The following CYP24A1 variants were observed in gnomAD, a reference collection of about 807,000 sequenced individuals.
The protein encoded by CYP24A1 is cytochrome P450 family 24 subfamily A member 1.
In CYP24A1, 68 loss-of-function variants were observed where a neutral mutation model predicts 62.4. The ratio of observed to expected loss-of-function variants is 1.09; its 90% CI spans 0.90 to 1.33. The LOEUF (loss-of-function observed/expected upper bound fraction) is 1.33. CYP24A1 is among the 40% of genes most tolerant of loss of function. The pLI is 0.00. For missense variants in CYP24A1, 787 were observed against 653.0 expected, an observed-to-expected ratio of 1.21 and a Z score of -2.24; for synonymous variants, 267 against 253.0, an observed-to-expected ratio of 1.06 and a Z score of -0.52.
At chr20:54,149,328 C>G (rs1601115176), downstream of CYP24A1, among the ~76,000 whole-genome samples, 1 of 152,186 alleles carries the variant, frequency 6.6e-6, no homozygotes, top group Non-Finnish European at 1.5e-5. Context: ...GTAACACACG[C>G]TGCTCAGTGC....
Position 54,173,215 on chromosome 20 carries a change from G to A in CYP24A1, c.258+107C>T, listed in dbSNP as rs1601151395. Reference sequence around the variant, plus strand: ...GACCGGGGACCCTCCCTGCCCAGACGCCGAAGCGCACCATGCGCCCGAGGC... The same window carrying A: ...GACCGGGGACCCTCCCTGCCCAGACACCGAAGCGCACCATGCGCCCGAGGC... On this transcript the variant is annotated intron_variant, in intron 1 of 11. Transcript: ENST00000216862. The surrounding 1 kb of genome is among the most constrained non-coding windows in gnomAD (Gnocchi z 7.2). The A allele has an allele frequency of 1.3e-6, 2 of 1,514,864 alleles. No homozygotes were observed. The highest frequency in any genetic ancestry group is 1.8e-5 in the Admixed American group (1 of 56,620). The allele number at this position is 1,514,864 out of a possible 1,614,324, so 93.8% of individuals were successfully genotyped here. A position where few individuals can be genotyped will look rare whatever the true frequency, so the allele number is the denominator to read the frequency against.
intron 5 of CYP24A1, among the ~76,000 whole-genome samples, 198 bp from the exon 6 acceptor site, chr20:54,164,761 A>G (rs2092665169): frequency 6.6e-6 from 1 of 151,796 alleles, no homozygotes; most frequent in African/African-American, 2.4e-5. Context: ...TCAATATTGA[A>G]GGTAATGTGG....
the CYP24A1 span, among the ~76,000 whole-genome samples, chr20:54,148,283 C>A: frequency 2.6e-4 from 39 of 151,532 alleles, no homozygotes; most frequent in Non-Finnish European, 5.0e-4. Flanking sequence ...TCCCATATAC[C>A]ATTCACCCAG....
intron 4 of CYP24A1, among the ~76,000 whole-genome samples, chr20:54,167,036 G>GA (rs989004988): frequency 1.3e-4 from 19 of 149,452 alleles, no homozygotes; most frequent in African/African-American, 1.2e-4. Context: ...ACACAGTCTG[G>GA]AAAAAAAAAA....
At chr20:54,146,331 T>C in the CYP24A1 span, among the ~76,000 whole-genome samples, 1 of 152,192 alleles carries the variant, frequency 6.6e-6, no homozygotes, top group African/African-American at 2.4e-5. Flanking sequence ...ATGATCTTCT[T>C]TCCTGGCATG....
At chr20:54,151,876 C>T (rs1209237414), downstream of CYP24A1, among the ~76,000 whole-genome samples, 2 of 143,796 alleles carry the variant, frequency 1.4e-5, no homozygotes, top group Non-Finnish European at 3.0e-5. Flanking sequence ...CCTCAGTTTC[C>T]CCAGGTGTGA....
In CYP24A1 at chr20:54,154,407, AG is replaced by A. The variant is rs1227407230; in HGVS notation, c.*364del. On this transcript the variant is annotated 3_prime_UTR_variant, in exon 12 of 12. Transcript: ENST00000216862. Reference sequence around the variant, plus strand: ...GGACATTTTCCTAAGTAGTACATTAAGCAGAGCTACAGTAAATGGATTGTCA... The same window carrying A: ...GGACATTTTCCTAAGTAGTACATTAACAGAGCTACAGTAAATGGATTGTCA... 11 of 152,246 alleles carry A rather than the reference AG, an allele frequency of 7.2e-5. No individual in the cohort carries two copies. The highest frequency in any genetic ancestry group is 2.4e-4 in the African/African-American group (10 of 41,460). The allele number at this position is 152,246 out of a possible 1,614,324, so 9.4% of individuals were successfully genotyped here. A position where few individuals can be genotyped will look rare whatever the true frequency, so the allele number is the denominator to read the frequency against.
intron 6 of CYP24A1, among the ~76,000 whole-genome samples, chr20:54,163,131 G>T (rs1344139749): frequency 6.6e-6 from 1 of 152,164 alleles, no homozygotes; most frequent in Non-Finnish European, 1.5e-5. Context: ...CTGAATCAGG[G>T]CTTGGGTAGG....
Position 54,173,451 on chromosome 20 carries a change from G to T in CYP24A1, c.129C>A (p.Val43=), listed in dbSNP as rs1299808834. The change falls in exon 1 of 12, where the codon GTC becomes GTA. Residue 43 remains valine, a synonymous_variant. Coordinates refer to ENST00000216862, the MANE Select transcript of CYP24A1 (RefSeq NM_000782.5). The surrounding 1 kb of genome is among the most constrained non-coding windows in gnomAD (Gnocchi z 7.2). ...TCTCGCCACCAGCTGTCAGCGGGCA[G>T]ACTGGCACCTCTCGCGGCTGAGGGG... The part of the protein sequence containing the change: ...YTSPQPREVP[V]CPLTAGGETQ... 3 of 1,568,464 alleles carry T rather than the reference G, an allele frequency of 1.9e-6. No individual in the cohort carries two copies. Among genetic ancestry groups the T allele is most frequent in the Non-Finnish European group, 2.6e-6 (3 of 1,156,510 alleles).
At chr20:54,157,695 T>C in intron 9 of CYP24A1, 110 bp from the exon 10 acceptor site, 1 of 789,166 alleles carries the variant, frequency 1.3e-6, no homozygotes. Flanking sequence ...TCCACAAATT[T>C]ATAATAATGA....
At chr20:54,147,378 G>A in the CYP24A1 span, among the ~76,000 whole-genome samples, 1 of 152,206 alleles carries the variant, frequency 6.6e-6, no homozygotes, top group Non-Finnish European at 1.5e-5. Flanking sequence ...TCTAGAACGT[G>A]CAAAATAGAC....
downstream of CYP24A1, among the ~76,000 whole-genome samples, chr20:54,152,074 C>T (rs1037151876): frequency 5.3e-5 from 8 of 152,160 alleles, no homozygotes; most frequent in East Asian, 1.9e-4. Context: ...GGGCAGCAGA[C>T]GTGGCCCTTG....
chr20:54,161,424 ACTGT>A (rs1196791161), intron 7 of CYP24A1, among the ~76,000 whole-genome samples: 1 of 152,026 alleles, frequency 6.6e-6, no homozygotes, highest in Non-Finnish European at 1.5e-5. Flanking sequence ...TTACATGGCT[ACTGT>A]CTGTCTTCCC....
At chr20:54,166,188 T>C (rs560292929) in intron 4 of CYP24A1, among the ~76,000 whole-genome samples, 17 of 152,266 alleles carry the variant, frequency 1.1e-4, no homozygotes, top group African/African-American at 4.1e-4. Context: ...GAGTCACTTA[T>C]TGGATTCTAT....
In CYP24A1 at chr20:54,171,579, C is replaced by T. The variant is rs2092693875; in HGVS notation, c.541G>A (p.Glu181Lys). 3.7e-6 allele frequency: 6 copies of T among 1,613,822 alleles called. No individual in the cohort carries two copies. Among genetic ancestry groups the T allele is most frequent in the Non-Finnish European group, 5.1e-6 (6 of 1,179,874 alleles). The part of the protein sequence containing the change: ...EVMKLDNKIN[E>K]VLADFMGRID... Reference sequence around the variant, plus strand: ...AAAGCTGGCCCCAGCCTGCAGACCTCATTGATTTTGTTGTCCAGCTTCATC... The same window carrying T: ...AAAGCTGGCCCCAGCCTGCAGACCTTATTGATTTTGTTGTCCAGCTTCATC... Residue 181 changes from glutamate (E) to lysine (K), a missense_variant and splice_region_variant, in exon 3 of 12, where the codon GAG becomes AAG. Coordinates refer to ENST00000216862, the MANE Select transcript of CYP24A1 (RefSeq NM_000782.5).
At position 54,158,978 on chromosome 20, in the gene CYP24A1, G is replaced by A. The variant is rs1431348800; in HGVS notation, c.1136C>T (p.Ala379Val). 2.5e-6 allele frequency: 4 copies of A among 1,614,022 alleles called. No individual in the cohort carries two copies. In the African/African-American group the frequency reaches 5.3e-5, roughly 22 times the overall value. Residue 379 changes from alanine to valine, a missense_variant, in exon 8 of 12, where the codon GCC (alanine) becomes GTC (valine). Transcript: ENST00000216862. ...TTACCTCATAGATTCTTTCAGACAG[G>A]CTTTTAAATACGGCATATTCCTCAA... ...EDLRNMPYLK[A>V]CLKESMRLTP... is the part of the protein sequence containing the mutation.
intron 7 of CYP24A1, among the ~76,000 whole-genome samples, chr20:54,160,356 A>G (rs1219059197): frequency 6.6e-6 from 1 of 152,232 alleles, no homozygotes; most frequent in East Asian, 1.9e-4. Context: ...AGTCATATGT[A>G]TTTATTTTTT....
Position 54,172,994 on chromosome 20 carries a change from C to G in CYP24A1, c.364G>C (p.Glu122Gln), listed in dbSNP as rs762334108. 1.1e-5 allele frequency: 17 copies of G among 1,612,372 alleles called. No individual in the cohort carries two copies. The highest frequency in any genetic ancestry group is 1.4e-5 in the Non-Finnish European group (17 of 1,180,056). Reference protein sequence around the residue: ...PCLLEALYRTESAYPQRLEIK... With the variant: ...PCLLEALYRTQSAYPQRLEIK... ...TCCAGCCGCTGCGGGTACGCGCTCT[C>G]GGTGCGGTACAGCGCTTCCAGCAGG... Residue 122 changes from glutamate (E) to glutamine (Q), a missense_variant, in exon 2 of 12, where the codon GAG becomes CAG. Coordinates refer to ENST00000216862, the MANE Select transcript of CYP24A1 (RefSeq NM_000782.5).
chr20:54,159,705 C>T (rs554870887), intron 7 of CYP24A1, among the ~76,000 whole-genome samples: 27 of 152,144 alleles, frequency 1.8e-4, no homozygotes, highest in Middle Eastern at 3.4e-3. Context: ...TACAGTTTGA[C>T]GCAATAATTG....
Sources: allele counts gnomAD v4.1 joint callset (sites outside exome capture counted in the v4.1 genomes callset), GRCh38; gene constraint gnomAD v4.1.1; non-coding constraint Gnocchi (gnomAD v3.1); transcripts MANE v1.5; gene names NCBI Gene and HGNC (gene_info 2026-07-23, HGNC 2026-07-21).